PGLYRP2: variants seen among roughly 807,000 people sequenced by gnomAD.
The protein encoded by PGLYRP2 is peptidoglycan recognition protein 2.
PGLYRP2 carries 38 observed loss-of-function variants against 46.2 expected under a neutral mutation model. That is an observed-to-expected ratio of 0.82 (90% CI 0.64 to 1.08). PGLYRP2 has a LOEUF of 1.08. Among genes scored for constraint, PGLYRP2 ranks in the 50% least tolerant of loss-of-function variants. The pLI, the probability that PGLYRP2 is intolerant of heterozygous loss-of-function variation, is 0.00. For missense variants in PGLYRP2, 713 were observed against 755.9 expected (o/e 0.94, Z 0.67); for synonymous variants, 289 against 329.4 (o/e 0.88, Z 1.33).
chr19:15,468,941 T>C lies in PGLYRP2; in HGVS notation c.1642-189A>G, dbSNP rs1970717855. 2.2e-5 allele frequency: 12 copies of C among 541,598 alleles called. No homozygotes were observed. The South Asian group carries it at 2.5e-4, about 11-fold the overall frequency. The allele number at this position is 541,598 out of a possible 1,614,324, so 33.5% of individuals were successfully genotyped here. The stretch of plus-strand genomic sequence containing the variant: ...CTTAATGAAATGGAGTGGCAGTATG[T>C]AGGTAGCACGAGATTGTCCAGGTGT... On this transcript the variant is annotated intron_variant, in intron 4 of 4. Transcript: ENST00000340880.
chr19:15,477,769 G>A (rs1410676759), intron 1 of PGLYRP2, among the ~76,000 whole-genome samples: 1 of 136,326 alleles, frequency 7.3e-6, no homozygotes, highest in African/African-American at 2.6e-5. Flanking sequence ...GGAGGCAGGG[G>A]GAAGAGCAGG....
chr19:15,472,162 G>C, intron 2 of PGLYRP2, 62 bp from the exon 3 acceptor site: 1 of 1,352,414 alleles, frequency 7.4e-7, no homozygotes. Context: ...TCCTCCACCC[G>C]CATTAAAGCG....
Position 15,475,796 on chromosome 19 carries a change from G to A in PGLYRP2, c.874C>T (p.Pro292Ser), listed in dbSNP as rs898996585. 1 of 1,613,988 alleles carries A rather than the reference G, an allele frequency of 6.2e-7. No homozygotes were observed. The highest frequency in any genetic ancestry group is 1.7e-5 in the Admixed American group (1 of 59,998). ...LGDYLSRTPE[P>S]RPSLSHLLSQ... ...AGCAAGTGGCTGAGGGATGGCCGGG[G>A]CTCAGGAGTCCGGCTCAGGTAGTCT... Residue 292 changes from proline (P) to serine (S), a missense_variant, in exon 2 of 5, where the codon CCC becomes TCC. Physicochemically the swap from Pro to Ser is moderately conservative, Grantham distance 74. Coordinates refer to ENST00000340880, the MANE Select transcript of PGLYRP2 (RefSeq NM_052890.4).
intron 1 of PGLYRP2, 88 bp from the exon 2 acceptor site, chr19:15,476,696 C>T: frequency 1.8e-6 from 2 of 1,133,704 alleles, no homozygotes; most frequent in Non-Finnish European, 2.4e-6. Context: ...GCTCCCAGCC[C>T]TCCATCTGAT....
rs45596732 is a variant in PGLYRP2, at chr19:15,476,626, G to A, written c.62-18C>T. ...CAGGGAGGCTGCAGGAGGAAAGAAT[G>A]TGTTAGCCCAGCCCCACCCATTCCT... On this transcript the variant is annotated intron_variant, in intron 1 of 4. Coordinates refer to ENST00000340880, the MANE Select transcript of PGLYRP2 (RefSeq NM_052890.4). 1.5e-3 allele frequency: 2,301 copies of A among 1,552,864 alleles called. 4 individuals carry two copies. Among genetic ancestry groups the A allele is most frequent in the Non-Finnish European group, 1.8e-3 (2,061 of 1,151,158 alleles).
At chr19:15,474,980 CAAAA>C (rs34586297) in intron 2 of PGLYRP2, among the ~76,000 whole-genome samples, 2 of 125,032 alleles carry the variant, frequency 1.6e-5, no homozygotes, top group Non-Finnish European at 1.7e-5. Flanking sequence ...GAGAGAGACT[CAAAA>C]AAAAAAAAAA....
Position 15,469,921 on chromosome 19 carries a change from A to C in PGLYRP2, c.1352T>G (p.Val451Gly), listed in dbSNP as rs1599763246. The change falls in exon 4 of 5, where the codon GTG becomes GGG. Residue 451 changes from valine (V) to glycine (G), a missense_variant. By Grantham distance (109) the Val-to-Gly change is moderately radical. Coordinates refer to ENST00000340880, the MANE Select transcript of PGLYRP2 (RefSeq NM_052890.4). This position sits in a 1 kb window ranked among gnomAD's most constrained non-coding sequence, Gnocchi z 4.9. ...GWGDIGYSFV[V>G]GSDGYVYEGR... ...CTCGTACACGTAGCCGTCCGAGCCC[A>C]CCACGAAACTGCAGAGGGGAGGGAG... The C allele has an allele frequency of 7.0e-7, 1 of 1,428,848 alleles. No individual in the cohort carries two copies. The highest frequency in any genetic ancestry group is 9.1e-7 in the Non-Finnish European group (1 of 1,095,724). 88.5% of individuals were successfully genotyped at this position (1,428,848 alleles called of 1,614,324 possible).
rs746080985 is a variant in PGLYRP2 at position 15,471,987 on chromosome 19, C to G, written c.1246G>C (p.Ala416Pro). ...CGCGTGAAGTCCGTGCAGGGTGGTG[C>G]AGGCACGTAGGTGTGATGCACGTAC... ...FLYVHHTYVP[A>P]PPCTDFTRCA... is the part of the protein sequence containing the mutation. Residue 416 changes from alanine (A) to proline (P), a missense_variant, in exon 3 of 5, where the codon GCA becomes CCA. Coordinates refer to ENST00000340880, the MANE Select transcript of PGLYRP2 (RefSeq NM_052890.4). 8 of 1,613,986 alleles carry G rather than the reference C, an allele frequency of 5.0e-6. No homozygotes were observed. The highest frequency in any genetic ancestry group is 6.8e-6 in the Non-Finnish European group (8 of 1,179,980).
In PGLYRP2 at chr19:15,476,594, G is replaced by A. The variant is rs1599767511; in HGVS notation, c.76C>T (p.Leu26Phe). The A allele has an allele frequency of 6.2e-7, 1 of 1,602,394 alleles. No homozygotes were observed. The highest frequency in any genetic ancestry group is 2.2e-5 in the East Asian group (1 of 44,778). The change falls in exon 2 of 5, where the codon CTC becomes TTC. Residue 26 changes from leucine to phenylalanine, a missense_variant. Leu to Phe is a conservative substitution (Grantham distance 22). Transcript: ENST00000340880. ...SDPGTASLPLLMDSVIQALAE... is the reference protein window; with the variant it reads ...SDPGTASLPLFMDSVIQALAE... ...AGGGCCTGGATGACAGAGTCCATGAGCAGGGGCAGGGAGGCTGCAGGAGGA... is the reference window on the plus strand; with the variant it reads ...AGGGCCTGGATGACAGAGTCCATGAACAGGGGCAGGGAGGCTGCAGGAGGA...
intron 1 of PGLYRP2, among the ~76,000 whole-genome samples, chr19:15,478,020 A>G (rs1049340740): frequency 2.6e-5 from 4 of 152,204 alleles, no homozygotes; most frequent in African/African-American, 9.6e-5. Context: ...TGGTGCTGCT[A>G]TAACAGATCT....
At chr19:15,470,277 C>T (rs1385890914) in intron 3 of PGLYRP2, among the ~76,000 whole-genome samples, 2 of 127,496 alleles carry the variant, frequency 1.6e-5, no homozygotes, top group African/African-American at 6.3e-5. Flanking sequence ...TCCTTCCTTC[C>T]TTCCTTCCTT....
At position 15,476,372 on chromosome 19, in the gene PGLYRP2, G is replaced by C. The variant is rs780035858; in HGVS notation, c.298C>G (p.His100Asp). 2 of 1,614,116 alleles carry C rather than the reference G, an allele frequency of 1.2e-6. No individual in the cohort carries two copies. The highest frequency in any genetic ancestry group is 1.7e-6 in the Non-Finnish European group (2 of 1,180,010). ...LLGLTKEVARHDVREGKEYGV... is the reference protein window; with the variant it reads ...LLGLTKEVARDDVREGKEYGV... ...TATTCCTTCCCTTCTCGTACGTCAT[G>C]TCGGGCCACCTCCTTGGTCAGGCCT... is the stretch of plus-strand genomic sequence containing the variant. Residue 100 changes from histidine (H) to aspartate (D), a missense_variant, in exon 2 of 5, where the codon CAT becomes GAT. His to Asp is a moderately conservative substitution (Grantham distance 81). Transcript: ENST00000340880.
intron 1 of PGLYRP2, among the ~76,000 whole-genome samples, chr19:15,477,768 G>A (rs1397185999): frequency 9.1e-6 from 1 of 110,254 alleles, no homozygotes; most frequent in African/African-American, 3.0e-5. Flanking sequence ...GGGAGGCAGG[G>A]GGAAGAGCAG....
At chr19:15,472,588 G>GA (rs1970760192) in intron 2 of PGLYRP2, among the ~76,000 whole-genome samples, 1 of 149,024 alleles carries the variant, frequency 6.7e-6, no homozygotes, top group Non-Finnish European at 1.5e-5. Context: ...GCAAGACTCT[G>GA]TCCCCCCCAA....
chr19:15,477,211 C>T (rs1450285953), intron 1 of PGLYRP2, among the ~76,000 whole-genome samples: 3 of 151,240 alleles, frequency 2.0e-5, no homozygotes, highest in Admixed American at 6.6e-5. Context: ...TGGCCAACAC[C>T]GTGAAACCCC....
rs751464113 is a variant in PGLYRP2 at position 15,469,049 on chromosome 19, A to T, written c.1642-297T>A. On this transcript the variant is annotated intron_variant, in intron 4 of 4. Transcript: ENST00000340880. The surrounding 1 kb of genome is among the most constrained non-coding windows in gnomAD (Gnocchi z 4.9). Reference sequence around the variant, plus strand: ...AAGTTGTGCTGGCATAAGAGTTGTCATCAGGGGTTAAGGAGTCAGGGACGA... The same window carrying T: ...AAGTTGTGCTGGCATAAGAGTTGTCTTCAGGGGTTAAGGAGTCAGGGACGA... The T allele has an allele frequency of 2.3e-5, 12 of 513,516 alleles. No homozygotes were observed. The Admixed American group carries it at 4.0e-4, about 17-fold the overall frequency. The allele number at this position is 513,516 out of a possible 1,614,324, so 31.8% of individuals were successfully genotyped here.
chr19:15,478,169 A>AGACC (rs1215506724), intron 1 of PGLYRP2, among the ~76,000 whole-genome samples: 1 of 152,150 alleles, frequency 6.6e-6, no homozygotes, highest in Non-Finnish European at 1.5e-5. Context: ...CAACATGGTG[A>AGACC]AACCCCGTTT....
rs760383491 is a variant in PGLYRP2 at position 15,475,892 on chromosome 19, G to A, written c.778C>T (p.Leu260Phe). ...DQLSAPRTFTLLDPKASLLTM... is the reference protein window; with the variant it reads ...DQLSAPRTFTFLDPKASLLTM... ...AACAGAGATGCCTTGGGGTCCAAAA[G>A]CGTAAAGGTCCGAGGGGCAGAGAGC... The change falls in exon 2 of 5, where the codon CTT (leucine) becomes TTT (phenylalanine). Residue 260 changes from leucine (L) to phenylalanine (F), a missense_variant. Physicochemically the swap from Leu to Phe is conservative, Grantham distance 22 (BLOSUM62 0). Transcript: ENST00000340880. 1 of 1,614,130 alleles carries A rather than the reference G, an allele frequency of 6.2e-7. No individual in the cohort carries two copies. Among genetic ancestry groups the A allele is most frequent in the Non-Finnish European group, 8.5e-7 (1 of 1,180,024 alleles).
rs763560661 is a variant in PGLYRP2 at position 15,469,646 on chromosome 19, G to C, written c.1627C>G (p.Pro543Ala). The C allele has an allele frequency of 1.3e-6, 2 of 1,571,050 alleles. No individual in the cohort carries two copies. The highest frequency in any genetic ancestry group is 3.5e-5 in the Admixed American group (2 of 57,258). The change falls in exon 4 of 5, where the codon CCG (proline) becomes GCG (alanine). Residue 543 changes from proline (P) to alanine (A), a missense_variant. Physicochemically the swap from Pro to Ala is conservative, Grantham distance 27. Coordinates refer to ENST00000340880, the MANE Select transcript of PGLYRP2 (RefSeq NM_052890.4). This position sits in a 1 kb window ranked among gnomAD's most constrained non-coding sequence, Gnocchi z 4.9. ...DALFDLLRTW[P>A]HFTATVKPRP... ...CGAAGACTCACCGCGGTGAAGTGCGGCCAGGTGCGCAGCAGGTCGAAGAGC... is the reference window on the plus strand; with the variant it reads ...CGAAGACTCACCGCGGTGAAGTGCGCCCAGGTGCGCAGCAGGTCGAAGAGC...
Sources: allele counts gnomAD v4.1 joint callset (sites outside exome capture counted in the v4.1 genomes callset), GRCh38; gene constraint gnomAD v4.1.1; non-coding constraint Gnocchi (gnomAD v3.1); transcripts MANE v1.5; gene names NCBI Gene and HGNC (gene_info 2026-07-23, HGNC 2026-07-21).